Variants in MAP2K6 observed in about 807,000 individuals in gnomAD.
MAP2K6 encodes mitogen-activated protein kinase kinase 6.
In MAP2K6, 16 loss-of-function variants were observed where a neutral mutation model predicts 53.7. The ratio of observed to expected loss-of-function variants is 0.30; its 90% CI spans 0.20 to 0.45. MAP2K6 has a LOEUF of 0.45. Ranked by LOEUF, MAP2K6 falls within the 20% of genes least tolerant of loss-of-function variation. The pLI, the probability that MAP2K6 is intolerant of heterozygous loss-of-function variation, is 1.00. For missense variants in MAP2K6, 204 were observed against 411.9 expected (o/e 0.50, Z 4.37); for synonymous variants, 132 against 143.1 (o/e 0.92, Z 0.55).
intron 1 of MAP2K6, among the ~76,000 whole-genome samples, chr17:69,448,865 CTGAAGT>C (rs1232635740): frequency 6.6e-6 from 1 of 152,202 alleles, no homozygotes; most frequent in Non-Finnish European, 1.5e-5. Flanking sequence ...TTTCCACACA[CTGAAGT>C]TGTTAAAAAT....
chr17:69,440,421 A>T (rs1469277784), intron 1 of MAP2K6, among the ~76,000 whole-genome samples: 1 of 152,038 alleles, frequency 6.6e-6, no homozygotes, highest in Non-Finnish European at 1.5e-5. Flanking sequence ...CACCCAATAT[A>T]ACTCATCTCC....
intron 1 of MAP2K6, among the ~76,000 whole-genome samples, chr17:69,446,894 A>G (rs1030167810): frequency 5.3e-4 from 80 of 151,640 alleles, no homozygotes; most frequent in African/African-American, 1.8e-3. Context: ...GAATTATGCA[A>G]TTATCTGAAG....
Position 69,458,304 on chromosome 17 carries a change from C to T in MAP2K6, c.16+43304C>T, listed in dbSNP as rs562384438. ...CTGTCCTCAAGTGATCTGCCTGTCTCGGCCTCCCAAAGTGCTGGGATTCCA... is the reference window on the plus strand; with the variant it reads ...CTGTCCTCAAGTGATCTGCCTGTCTTGGCCTCCCAAAGTGCTGGGATTCCA... On this transcript the variant is annotated intron_variant, in intron 1 of 11. Coordinates refer to ENST00000590474, the MANE Select transcript of MAP2K6 (RefSeq NM_002758.4). Among the ~76,000 whole-genome samples, 4 of 152,292 alleles carry T rather than the reference C, an allele frequency of 2.6e-5. No homozygotes were observed. In the East Asian group the frequency reaches 7.7e-4, roughly 29 times the overall value.
At chr17:69,459,948 T>C (rs1907560324) in intron 1 of MAP2K6, among the ~76,000 whole-genome samples, 1 of 150,674 alleles carries the variant, frequency 6.6e-6, no homozygotes, top group South Asian at 2.1e-4. Context: ...TTTTCTTCCT[T>C]CCTTCCTTTC....
At chr17:69,458,512 G>A (rs1348478262) in intron 1 of MAP2K6, among the ~76,000 whole-genome samples, 1 of 152,158 alleles carries the variant, frequency 6.6e-6, no homozygotes, top group African/African-American at 2.4e-5. Context: ...TAACTCTTTA[G>A]TTGTCTCTGA....
chr17:69,478,423 T>C (rs1908234308), intron 1 of MAP2K6, among the ~76,000 whole-genome samples: 1 of 152,160 alleles, frequency 6.6e-6, no homozygotes, highest in African/African-American at 2.4e-5. Context: ...CTAGCTCTCA[T>C]TCATGTTTTA....
At chr17:69,426,045 A>G (rs1906266333) in intron 1 of MAP2K6, among the ~76,000 whole-genome samples, 1 of 152,060 alleles carries the variant, frequency 6.6e-6, no homozygotes, top group Admixed American at 6.6e-5. Context: ...GATCAATTCA[A>G]CAAAGGTTTT....
At chr17:69,501,601 G>A (rs1296084378) in intron 1 of MAP2K6, 2 of 152,102 alleles carry the variant, frequency 1.3e-5, no homozygotes. Flanking sequence ...ATATGTGTGT[G>A]GTGGGATTAC....
chr17:69,464,251 C>T (rs1041943919), intron 1 of MAP2K6, among the ~76,000 whole-genome samples: 4 of 151,684 alleles, frequency 2.6e-5, no homozygotes, highest in African/African-American at 7.3e-5. Flanking sequence ...GGTTCCTCAT[C>T]TGTCAAATGG....
intron 1 of MAP2K6, among the ~76,000 whole-genome samples, chr17:69,418,050 C>T (rs1347565233): frequency 6.6e-6 from 1 of 152,168 alleles, no homozygotes; most frequent in Non-Finnish European, 1.5e-5. Context: ...ATTCATTCCA[C>T]CCTTGGGAAA....
rs141317823 is a variant in MAP2K6 at position 69,543,707 on chromosome 17, T to A, written c.*1954T>A. 14 of 152,314 alleles carry A rather than the reference T, an allele frequency of 9.2e-5. 1 individual carries two copies. The East Asian group carries it at 1.2e-3, about 13-fold the overall frequency. The allele number at this position is 152,314 out of a possible 1,614,324, so 9.4% of individuals were successfully genotyped here. On this transcript the variant is annotated 3_prime_UTR_variant, in exon 12 of 12. Coordinates refer to ENST00000590474, the MANE Select transcript of MAP2K6 (RefSeq NM_002758.4). ...AAATCCGGTTACTCCATTTTAGCTTTTGGTGAACGATGTAGAGCAAATTGT... is the reference window on the plus strand; with the variant it reads ...AAATCCGGTTACTCCATTTTAGCTTATGGTGAACGATGTAGAGCAAATTGT...
chr17:69,485,506 A>G, intron 1 of MAP2K6: 1 of 969,740 alleles, frequency 1.0e-6, no homozygotes. Flanking sequence ...ATTTGAAACT[A>G]CGGGAACTCC....
intron 1 of MAP2K6, among the ~76,000 whole-genome samples, chr17:69,469,538 C>T (rs749342974): frequency 5.3e-5 from 8 of 151,944 alleles, no homozygotes; most frequent in Non-Finnish European, 8.8e-5. Context: ...CCGAGGTGGG[C>T]GGATCACGAG....
At chr17:69,477,962 CAG>C (rs1397976194) in intron 1 of MAP2K6, among the ~76,000 whole-genome samples, 2 of 152,126 alleles carry the variant, frequency 1.3e-5, no homozygotes, top group Admixed American at 6.5e-5. Flanking sequence ...TCTTCATAAA[CAG>C]AGAGTGGTGT....
At chr17:69,505,184 G>A (rs972514330) in intron 1 of MAP2K6, among the ~76,000 whole-genome samples, 3 of 151,894 alleles carry the variant, frequency 2.0e-5, no homozygotes, top group Admixed American at 6.6e-5. Context: ...GCTCATGCCT[G>A]TAATCCCAGC....
In MAP2K6 at chr17:69,414,934, A is replaced by G. The variant is rs371950957; in HGVS notation, c.-51A>G. 1.1e-5 allele frequency: 17 copies of G among 1,516,414 alleles called. No homozygotes were observed. The highest frequency in any genetic ancestry group is 1.5e-5 in the Non-Finnish European group (16 of 1,093,032). The allele number at this position is 1,516,414 out of a possible 1,614,324, so 93.9% of individuals were successfully genotyped here. On this transcript the variant is annotated 5_prime_UTR_variant, in exon 1 of 12. Transcript: ENST00000590474. ...GTTGCAAAACTAGCTACAGAAGAGAAGCAAGGCAAAGTCTTTTGTGCTCCC... is the reference window on the plus strand; with the variant it reads ...GTTGCAAAACTAGCTACAGAAGAGAGGCAAGGCAAAGTCTTTTGTGCTCCC...
At chr17:69,465,962 C>T (rs1230892903) in intron 1 of MAP2K6, among the ~76,000 whole-genome samples, 2 of 150,616 alleles carry the variant, frequency 1.3e-5, no homozygotes, top group African/African-American at 4.9e-5. Flanking sequence ...GAGCCTTTTC[C>T]TCCACTTCTT....
At chr17:69,474,084 C>A (rs1908061097) in intron 1 of MAP2K6, among the ~76,000 whole-genome samples, 2 of 152,218 alleles carry the variant, frequency 1.3e-5, no homozygotes, top group African/African-American at 4.8e-5. Context: ...ATGGCTATTG[C>A]TTAAGGCGGC....
intron 2 of MAP2K6, among the ~76,000 whole-genome samples, chr17:69,516,597 T>C (rs1286280352): frequency 6.6e-6 from 1 of 152,210 alleles, no homozygotes; most frequent in African/African-American, 2.4e-5. Flanking sequence ...CTTTTAATAC[T>C]CACTCCTGCT....
Sources: gnomAD v4.1 joint callset for allele counts (sites outside exome capture counted in the v4.1 genomes callset) on GRCh38, gnomAD v4.1.1 for gene constraint, MANE v1.5 for transcripts, NCBI Gene and HGNC (gene_info 2026-07-23, HGNC 2026-07-21) for gene names.